CMTM7: variants seen among roughly 807,000 people sequenced by gnomAD.
The protein encoded by CMTM7 is CKLF like MARVEL transmembrane domain containing 7.
In CMTM7, 7 loss-of-function variants were observed where a neutral mutation model predicts 19.3. That is an observed-to-expected ratio of 0.36 (90% CI 0.21 to 0.68). The LOEUF is 0.68. CMTM7 is among the 30% of genes least tolerant of loss of function. CMTM7 has a pLI of 0.60. For missense variants in CMTM7, 193 were observed against 232.6 expected (o/e 0.83, Z 1.11); for synonymous variants, 87 against 99.3 (o/e 0.88, Z 0.74).
At chr3:32,425,207 C>G (rs1053774799) in intron 1 of CMTM7, among the ~76,000 whole-genome samples, 1 of 152,110 alleles carries the variant, frequency 6.6e-6, no homozygotes, top group Non-Finnish European at 1.5e-5. Flanking sequence ...CACATAAGTG[C>G]GTAATGAGTA....
intron 1 of CMTM7, among the ~76,000 whole-genome samples, chr3:32,440,708 G>T (rs999240917): frequency 7.2e-5 from 11 of 152,328 alleles, no homozygotes; most frequent in Non-Finnish European, 1.5e-4. Context: ...AGCCCAGGAA[G>T]CAGAGGTTGC....
intron 1 of CMTM7, among the ~76,000 whole-genome samples, chr3:32,409,995 C>T (rs1696148535): frequency 6.6e-6 from 1 of 152,062 alleles, no homozygotes; most frequent in Non-Finnish European, 1.5e-5. Context: ...TCACAATAGC[C>T]CTATCATTTA....
rs142701739 is a variant in CMTM7 at position 32,420,546 on chromosome 3, C to T, written c.160-21294C>T. Among the ~76,000 whole-genome samples, 18 of 152,350 alleles carry T rather than the reference C, an allele frequency of 1.2e-4. 1 individual carries two copies. The East Asian group carries it at 3.5e-3, about 29-fold the overall frequency. Reference sequence around the variant, plus strand: ...GGAGGGCTGACTCTACGCCAGCCTTCTGAAATGACTTCAGCTGTACCTGGG... The same window carrying T: ...GGAGGGCTGACTCTACGCCAGCCTTTTGAAATGACTTCAGCTGTACCTGGG... On this transcript the variant is annotated intron_variant, in intron 1 of 4. Coordinates refer to ENST00000334983, the MANE Select transcript of CMTM7 (RefSeq NM_138410.4).
intron 1 of CMTM7, among the ~76,000 whole-genome samples, chr3:32,394,075 A>G (rs1333658386): frequency 1.3e-5 from 2 of 152,210 alleles, no homozygotes; most frequent in South Asian, 2.1e-4. Context: ...ATTCCCCATC[A>G]CTGCTGCAGG....
At chr3:32,396,101 A>G (rs1695914092) in intron 1 of CMTM7, among the ~76,000 whole-genome samples, 1 of 152,228 alleles carries the variant, frequency 6.6e-6, no homozygotes, top group South Asian at 2.1e-4. Flanking sequence ...GCGTAGACAC[A>G]AAAATAGATT....
chr3:32,415,201 T>C (rs1187829089), intron 1 of CMTM7, among the ~76,000 whole-genome samples: 2 of 151,626 alleles, frequency 1.3e-5, no homozygotes, highest in African/African-American at 4.8e-5. Context: ...CTCAAAATAA[T>C]AATAATAATA....
intron 1 of CMTM7, among the ~76,000 whole-genome samples, chr3:32,411,170 A>G (rs1177665900): frequency 6.6e-6 from 1 of 152,176 alleles, no homozygotes. Flanking sequence ...GACCCTAAAC[A>G]AGGATGGTAT....
intron 1 of CMTM7, among the ~76,000 whole-genome samples, chr3:32,437,810 G>A (rs1376117607): frequency 3.9e-5 from 6 of 152,092 alleles, no homozygotes; most frequent in Admixed American, 3.9e-4. Context: ...AGAATCCCTT[G>A]AACCAGGGAG....
chr3:32,419,672 C>T (rs1696315525), intron 1 of CMTM7, among the ~76,000 whole-genome samples: 1 of 152,200 alleles, frequency 6.6e-6, no homozygotes. Context: ...GTTCATAAGG[C>T]ATATACATTT....
intron 1 of CMTM7, among the ~76,000 whole-genome samples, chr3:32,437,021 C>T (rs1462182490): frequency 1.3e-5 from 2 of 152,208 alleles, no homozygotes; most frequent in African/African-American, 2.4e-5. Flanking sequence ...TACACTCAAG[C>T]TGCAACCAGA....
chr3:32,402,466 G>T (rs1388844810), intron 1 of CMTM7, among the ~76,000 whole-genome samples: 1 of 152,162 alleles, frequency 6.6e-6, no homozygotes, highest in Non-Finnish European at 1.5e-5. Flanking sequence ...GCGGTAACCC[G>T]CAGTTTCCAC....
At chr3:32,440,876 G>C (rs751735623) in intron 1 of CMTM7, among the ~76,000 whole-genome samples, 1 of 152,348 alleles carries the variant, frequency 6.6e-6, no homozygotes, top group African/African-American at 2.4e-5. Flanking sequence ...ACATGGAGTA[G>C]ACAGGTTTTC....
chr3:32,439,129 A>T (rs1696641101), intron 1 of CMTM7, among the ~76,000 whole-genome samples: 1 of 152,214 alleles, frequency 6.6e-6, no homozygotes, highest in African/African-American at 2.4e-5. Context: ...CTCCTGAGTA[A>T]GGCAGAGGTG....
rs185745263 is a variant in CMTM7 at position 32,426,497 on chromosome 3, C to G, written c.160-15343C>G. On this transcript the variant is annotated intron_variant, in intron 1 of 4. Transcript: ENST00000334983. ...TAATGCCATGACCCCCAAAGAGTCA[C>G]AGTTGACATTTTGTCTGTAGTATTT... 1.3e-3 allele frequency among the ~76,000 whole-genome samples: 194 copies of G among 152,260 alleles called. 2 individuals are homozygous for G. Among genetic ancestry groups the G allele is most frequent in the Admixed American group, 0.012 (180 of 15,286 alleles).
Position 32,454,386 on chromosome 3 carries a change from C to G in CMTM7, c.*132C>G, listed in dbSNP as rs1696879818. The stretch of plus-strand genomic sequence containing the variant: ...GTGGGCACCAGGAAAGGCCTGCACC[C>G]TCTTCCTGCTCTCCCAGGAAGCCAG... On this transcript the variant is annotated 3_prime_UTR_variant, in exon 5 of 5. Coordinates refer to ENST00000334983, the MANE Select transcript of CMTM7 (RefSeq NM_138410.4). 9.4e-7 allele frequency: 1 copy of G among 1,066,634 alleles called. No homozygotes were observed. Among genetic ancestry groups the G allele is most frequent in the Non-Finnish European group, 1.4e-6 (1 of 701,980 alleles). The allele number at this position is 1,066,634 out of a possible 1,614,324, so 66.1% of individuals were successfully genotyped here.
At chr3:32,423,420 G>C (rs1407901829) in intron 1 of CMTM7, among the ~76,000 whole-genome samples, 1 of 152,182 alleles carries the variant, frequency 6.6e-6, no homozygotes, top group Non-Finnish European at 1.5e-5. Flanking sequence ...ATGAGTAAAT[G>C]ATTCTTATAA....
intron 1 of CMTM7, among the ~76,000 whole-genome samples, chr3:32,428,547 T>C (rs1696467862): frequency 6.6e-6 from 1 of 152,188 alleles, no homozygotes; most frequent in African/African-American, 2.4e-5. Context: ...GCTGAGGTGT[T>C]GTGGGGCGGC....
intron 1 of CMTM7, among the ~76,000 whole-genome samples, chr3:32,430,648 C>G (rs1306188346): frequency 7.0e-6 from 1 of 142,060 alleles, no homozygotes; most frequent in Non-Finnish European, 1.5e-5. Flanking sequence ...TTGTCTCCAA[C>G]TGAAGCATCA....
intron 1 of CMTM7, 37 bp from the exon 2 acceptor site, chr3:32,441,803 G>A (rs779066403): frequency 1.0e-5 from 16 of 1,601,230 alleles, no homozygotes; most frequent in Non-Finnish European, 1.3e-5. Flanking sequence ...GCCCGTCTTG[G>A]GCAAGCATTT....
Sources: allele counts gnomAD v4.1 joint callset (sites outside exome capture counted in the v4.1 genomes callset), GRCh38; gene constraint gnomAD v4.1.1; transcripts MANE v1.5; gene names NCBI Gene and HGNC (gene_info 2026-07-23, HGNC 2026-07-21).